EPB41L4B: variants seen among roughly 807,000 people sequenced by gnomAD.
EPB41L4B encodes erythrocyte membrane protein band 4.1 like 4B, also known as band 4.1-like protein 4B.
A neutral mutation model predicts 112.5 loss-of-function variants in EPB41L4B; 30 were observed. The ratio of observed to expected loss-of-function variants is 0.27; its 90% CI spans 0.20 to 0.36. The LOEUF (loss-of-function observed/expected upper bound fraction) is 0.36. Among genes scored for constraint, EPB41L4B ranks in the 10% least tolerant of loss-of-function variants. The probability of loss-of-function intolerance (pLI) is 1.00; values close to 1 mark genes in which losing one functional copy is unlikely to be tolerated. For missense variants in EPB41L4B, 1,024 were observed against 1,133.3 expected, an observed-to-expected ratio of 0.90 and a Z score of 1.38; for synonymous variants, 408 against 439.7, an observed-to-expected ratio of 0.93 and a Z score of 0.90.
At chr9:109,319,595 G>A (rs1039454015) in intron 1 of EPB41L4B, among the ~76,000 whole-genome samples, 9 of 152,202 alleles carry the variant, frequency 5.9e-5, no homozygotes, top group African/African-American at 1.9e-4. Context: ...GAGCAGAAAT[G>A]GTCTAACCCC....
chr9:109,218,849 C>G lies in EPB41L4B; in HGVS notation c.1410-1704G>C, dbSNP rs73654232. On this transcript the variant is annotated intron_variant, in intron 15 of 25. Coordinates refer to ENST00000374566, the MANE Select transcript of EPB41L4B (RefSeq NM_019114.5). Reference sequence around the variant, plus strand: ...TCCTCTTATTCCCTGGCAGGGCTAACCCCTTTTTCTGCTCATTCCCATGGT... The same window carrying G: ...TCCTCTTATTCCCTGGCAGGGCTAAGCCCTTTTTCTGCTCATTCCCATGGT... Among the ~76,000 whole-genome samples the G allele has an allele frequency of 2.7e-3, 414 of 152,294 alleles. 2 individuals carry two copies. The highest frequency in any genetic ancestry group is 9.4e-3 in the African/African-American group (389 of 41,570).
At chr9:109,198,264 C>A (rs1382617055) in intron 20 of EPB41L4B, among the ~76,000 whole-genome samples, 1 of 152,114 alleles carries the variant, frequency 6.6e-6, no homozygotes, top group African/African-American at 2.4e-5. Context: ...ACTCTGGGTA[C>A]CCCCTAAACT....
Position 109,320,304 on chromosome 9 carries a change from G to A in EPB41L4B, c.143C>T (p.Ser48Leu). The change falls in exon 1 of 26, where the codon TCG becomes TTG. Residue 48 changes from serine to leucine, a missense_variant. Transcript: ENST00000374566. ...GCCCCCGGGCGCGGCGGGCAGCGCCGAGGAGGAGGCGGCGGCGGCCGGGCC... is the reference window on the plus strand; with the variant it reads ...GCCCCCGGGCGCGGCGGGCAGCGCCAAGGAGGAGGCGGCGGCGGCCGGGCC... ...RGGPAAAASS[S>L]ALPAAPGGSV... The A allele has an allele frequency of 9.6e-7, 1 of 1,046,458 alleles. No individual in the cohort carries two copies. The highest frequency in any genetic ancestry group is 1.1e-6 in the Non-Finnish European group (1 of 870,352). The allele number at this position is 1,046,458 out of a possible 1,614,324, so 64.8% of individuals were successfully genotyped here. A position where few individuals can be genotyped will look rare whatever the true frequency, so the allele number is the denominator to read the frequency against.
At chr9:109,224,967 A>T (rs1833709464) in intron 15 of EPB41L4B, among the ~76,000 whole-genome samples, 1 of 152,202 alleles carries the variant, frequency 6.6e-6, no homozygotes, top group Non-Finnish European at 1.5e-5. Context: ...AGTGCTGCCC[A>T]TCTGCTGCCT....
intron 14 of EPB41L4B, among the ~76,000 whole-genome samples, chr9:109,247,203 G>A (rs572405578): frequency 7.5e-4 from 112 of 149,922 alleles, no homozygotes; most frequent in African/African-American, 2.7e-3. Flanking sequence ...AATCAGGGGC[G>A]TGAGAGGGGA....
Position 109,240,132 on chromosome 9 carries a change from A to T in EPB41L4B, c.1409+3486T>A, listed in dbSNP as rs981436875. 8.8e-5 allele frequency: 87 copies of T among 984,942 alleles called. 1 individual carries two copies. In the Admixed American group the frequency reaches 9.2e-4, roughly 10 times the overall value. 61.0% of individuals were successfully genotyped at this position (984,942 alleles called of 1,614,324 possible). A position where few individuals can be genotyped will look rare whatever the true frequency, so the allele number is the denominator to read the frequency against. On this transcript the variant is annotated intron_variant, in intron 15 of 25. Transcript: ENST00000374566. ...TCTGCATAGCAACAAGAATCAATTT[A>T]AAAAAAATGAAGATGGAGTCAAAAA...
At chr9:109,296,733 T>A (rs1349060582) in intron 1 of EPB41L4B, among the ~76,000 whole-genome samples, 1 of 151,982 alleles carries the variant, frequency 6.6e-6, no homozygotes, top group Non-Finnish European at 1.5e-5. Flanking sequence ...CACAAAATTT[T>A]AAAAATTATC....
At chr9:109,304,799 T>C (rs912821059) in intron 1 of EPB41L4B, among the ~76,000 whole-genome samples, 6 of 152,120 alleles carry the variant, frequency 3.9e-5, no homozygotes, top group African/African-American at 1.2e-4. Context: ...ATGCCACATA[T>C]TGCATGATTC....
intron 22 of EPB41L4B, among the ~76,000 whole-genome samples, chr9:109,190,921 C>T (rs1832437413): frequency 1.3e-5 from 2 of 152,182 alleles, no homozygotes; most frequent in South Asian, 2.1e-4. Flanking sequence ...GCTCCTTCCT[C>T]CCATGGATAA....
chr9:109,183,289 GT>G (rs1832133744), intron 23 of EPB41L4B, among the ~76,000 whole-genome samples: 2 of 152,148 alleles, frequency 1.3e-5, no homozygotes. Context: ...AAGCTAGAAA[GT>G]ATTCCCTGTC....
intron 25 of EPB41L4B, among the ~76,000 whole-genome samples, chr9:109,175,481 A>G (rs1831788911): frequency 6.7e-6 from 1 of 149,470 alleles, no homozygotes; most frequent in African/African-American, 2.5e-5. Context: ...ACACACACAC[A>G]CACACACACA....
chr9:109,235,759 A>G (rs1233939430), intron 15 of EPB41L4B, among the ~76,000 whole-genome samples: 1 of 152,194 alleles, frequency 6.6e-6, no homozygotes, highest in Non-Finnish European at 1.5e-5. Flanking sequence ...GACCTTACGA[A>G]CCACTAAAAA....
intron 25 of EPB41L4B, among the ~76,000 whole-genome samples, chr9:109,174,977 C>T (rs370123391): frequency 8.9e-5 from 12 of 134,192 alleles, no homozygotes; most frequent in African/African-American, 3.1e-4. Context: ...AGTACAGTGG[C>T]GTGATCTTGG....
At chr9:109,231,713 A>G (rs993714739) in intron 15 of EPB41L4B, among the ~76,000 whole-genome samples, 3 of 152,200 alleles carry the variant, frequency 2.0e-5, no homozygotes, top group African/African-American at 7.2e-5. Context: ...AATGATTTCA[A>G]TAAATAGGTG....
Position 109,268,413 on chromosome 9 carries a change from T to C in EPB41L4B, c.432A>G (p.Lys144=). Reference sequence around the variant, plus strand: ...TACTTTTCATCTGCTTTTTTATGGGTTTGGCATGATCCAGCCAGTGCTGAA... The same window carrying C: ...TACTTTTCATCTGCTTTTTTATGGGCTTGGCATGATCCAGCCAGTGCTGAA... ...AQVAHWLDHA[K]PIKKQMKIGP... Residue 144 remains lysine, a synonymous_variant, in exon 3 of 26, where the codon AAA becomes AAG. Transcript: ENST00000374566. 6.2e-7 allele frequency: 1 copy of C among 1,610,584 alleles called. No homozygotes were observed. The highest frequency in any genetic ancestry group is 8.5e-7 in the Non-Finnish European group (1 of 1,179,322).
intron 24 of EPB41L4B, among the ~76,000 whole-genome samples, chr9:109,177,072 C>A (rs1831869953): frequency 6.6e-6 from 1 of 152,142 alleles, no homozygotes; most frequent in African/African-American, 2.4e-5. Flanking sequence ...AAGGTGAAAA[C>A]AAATGTATAT....
intron 1 of EPB41L4B, among the ~76,000 whole-genome samples, chr9:109,313,478 G>A (rs930295977): frequency 6.6e-6 from 1 of 152,246 alleles, no homozygotes; most frequent in African/African-American, 2.4e-5. Context: ...CACTCTGCCA[G>A]GTCAGCTCTG....
Position 109,262,962 on chromosome 9 carries a change from C to A in EPB41L4B, c.631+88G>T, listed in dbSNP as rs920224766. ...ATTCATTTATATCCCCAAAGCTAAG[C>A]ACTGGGCCTGGTATACTGTGGACAC... On this transcript the variant is annotated intron_variant, in intron 6 of 25. Coordinates refer to ENST00000374566, the MANE Select transcript of EPB41L4B (RefSeq NM_019114.5). The A allele has an allele frequency of 1.8e-5, 16 of 906,288 alleles. No individual in the cohort carries two copies. In the African/African-American group the frequency reaches 2.5e-4, roughly 14 times the overall value. The allele number at this position is 906,288 out of a possible 1,614,324, so 56.1% of individuals were successfully genotyped here. A position where few individuals can be genotyped will look rare whatever the true frequency, so the allele number is the denominator to read the frequency against.
At chr9:109,218,373 G>C (rs1030036990) in intron 15 of EPB41L4B, among the ~76,000 whole-genome samples, 1 of 151,968 alleles carries the variant, frequency 6.6e-6, no homozygotes, top group South Asian at 2.1e-4. Flanking sequence ...TGACCTGCCT[G>C]CCTCAGCCTC....
Sources: gnomAD v4.1 joint callset for allele counts (sites outside exome capture counted in the v4.1 genomes callset) on GRCh38, gnomAD v4.1.1 for gene constraint, MANE v1.5 for transcripts, NCBI Gene and HGNC (gene_info 2026-07-23, HGNC 2026-07-21) for gene names.